HS6ST3: variants seen among roughly 807,000 people sequenced by gnomAD.
The protein encoded by HS6ST3 is heparan-sulfate 6-O-sulfotransferase 3.
In HS6ST3, 12 loss-of-function variants were observed where a neutral mutation model predicts 36.7. The ratio of observed to expected loss-of-function variants is 0.33; its 90% CI spans 0.21 to 0.53. The LOEUF (loss-of-function observed/expected upper bound fraction) is 0.53, where lower values mean the gene tolerates loss of function less well. Among genes scored for constraint, HS6ST3 ranks in the 20% least tolerant of loss-of-function variants. The pLI, the probability that HS6ST3 is intolerant of heterozygous loss-of-function variation, is 0.95. For missense variants in HS6ST3, 584 were observed against 640.9 expected (o/e 0.91, Z 0.96); for synonymous variants, 240 against 257.5 (o/e 0.93, Z 0.65).
intron 1 of HS6ST3, among the ~76,000 whole-genome samples, chr13:96,351,621 G>A (rs1481778799): frequency 6.6e-6 from 1 of 152,084 alleles, no homozygotes; most frequent in Non-Finnish European, 1.5e-5. Context: ...TGGTGACAGT[G>A]TTTAACTACA....
At chr13:96,591,075 C>G (rs1274707936) in intron 1 of HS6ST3, among the ~76,000 whole-genome samples, 1 of 150,862 alleles carries the variant, frequency 6.6e-6, no homozygotes, top group Non-Finnish European at 1.5e-5. Context: ...TTTGCCAGTA[C>G]CATGCCCTTT....
intron 1 of HS6ST3, among the ~76,000 whole-genome samples, chr13:96,688,009 T>C (rs1682218258): frequency 6.7e-6 from 1 of 148,206 alleles, no homozygotes; most frequent in Non-Finnish European, 1.5e-5. Flanking sequence ...TAGGTGGGAA[T>C]TGAACAATGA....
At chr13:96,818,581 T>C (rs768293143) in intron 1 of HS6ST3, among the ~76,000 whole-genome samples, 2 of 152,230 alleles carry the variant, frequency 1.3e-5, no homozygotes, top group Non-Finnish European at 2.9e-5. Flanking sequence ...TGTTTGGGCC[T>C]GGATAAAATA....
At chr13:96,786,154 C>G (rs943578839) in intron 1 of HS6ST3, among the ~76,000 whole-genome samples, 4 of 152,090 alleles carry the variant, frequency 2.6e-5, no homozygotes, top group Non-Finnish European at 5.9e-5. Context: ...TACTCCGTTC[C>G]CTTCCCCTTG....
At chr13:96,428,447 CA>C (rs1320029271) in intron 1 of HS6ST3, among the ~76,000 whole-genome samples, 1 of 152,120 alleles carries the variant, frequency 6.6e-6, no homozygotes, top group East Asian at 1.9e-4. Context: ...AGGGTGTCAG[CA>C]GGGTTGGTTT....
chr13:96,521,612 C>A (rs1435890700), intron 1 of HS6ST3, among the ~76,000 whole-genome samples: 1 of 152,138 alleles, frequency 6.6e-6, no homozygotes, highest in African/African-American at 2.4e-5. Context: ...TTATCCCTTT[C>A]TTCTAGATTT....
intron 1 of HS6ST3, among the ~76,000 whole-genome samples, chr13:96,168,795 C>G (rs1229971642): frequency 6.6e-6 from 1 of 151,992 alleles, no homozygotes; most frequent in Admixed American, 6.6e-5. Context: ...ATGATAGACT[C>G]AGGGTACATG....
chr13:96,177,311 C>T (rs954412489), intron 1 of HS6ST3, among the ~76,000 whole-genome samples: 1 of 152,150 alleles, frequency 6.6e-6, no homozygotes, highest in Non-Finnish European at 1.5e-5. Flanking sequence ...ACCATAAAGA[C>T]ACATGCACAT....
intron 1 of HS6ST3, among the ~76,000 whole-genome samples, chr13:96,274,908 G>T (rs1480042783): frequency 4.8e-5 from 7 of 145,396 alleles, no homozygotes; most frequent in Non-Finnish European, 7.5e-5. Flanking sequence ...AGAATTAGAT[G>T]ACATCAACTG....
chr13:96,106,002 G>A (rs2053839839), intron 1 of HS6ST3, among the ~76,000 whole-genome samples: 1 of 152,182 alleles, frequency 6.6e-6, no homozygotes, highest in Non-Finnish European at 1.5e-5. Flanking sequence ...GCAGTGAAGG[G>A]TTTATATTGA....
At chr13:96,591,958 A>G (rs1011046591) in intron 1 of HS6ST3, among the ~76,000 whole-genome samples, 2 of 152,104 alleles carry the variant, frequency 1.3e-5, no homozygotes, top group African/African-American at 2.4e-5. Context: ...GAAATCATCA[A>G]ATGGTTTTGT....
intron 1 of HS6ST3, among the ~76,000 whole-genome samples, chr13:96,256,815 G>A (rs1190990362): frequency 1.3e-5 from 2 of 152,234 alleles, no homozygotes; most frequent in South Asian, 4.1e-4. Context: ...GTTGTCCATG[G>A]TGAGAATTGC....
At chr13:96,132,803 TTAG>T in intron 1 of HS6ST3, among the ~76,000 whole-genome samples, 1 of 152,334 alleles carries the variant, frequency 6.6e-6, no homozygotes, top group East Asian at 1.9e-4. Context: ...TGTCTTTTTG[TTAG>T]TAGCCATTAT....
At chr13:96,340,831 A>G (rs1004523566) in intron 1 of HS6ST3, among the ~76,000 whole-genome samples, 4 of 152,240 alleles carry the variant, frequency 2.6e-5, no homozygotes, top group Non-Finnish European at 5.9e-5. Flanking sequence ...CCATCCTTAA[A>G]CCAATATTCA....
chr13:96,776,406 G>T (rs902964561), intron 1 of HS6ST3, among the ~76,000 whole-genome samples: 1 of 152,092 alleles, frequency 6.6e-6, no homozygotes, highest in Non-Finnish European at 1.5e-5. Flanking sequence ...CCAGGAGCTG[G>T]TTTTTTGAAA....
intron 1 of HS6ST3, among the ~76,000 whole-genome samples, chr13:96,096,269 T>G (rs2053790410): frequency 6.6e-6 from 1 of 152,174 alleles, no homozygotes. Context: ...GGATAAGAAC[T>G]GATGGGATTT....
In HS6ST3 at chr13:96,198,381, G is replaced by A. The variant is rs146875549; in HGVS notation, c.707+106812G>A. 3.6e-3 allele frequency among the ~76,000 whole-genome samples: 541 copies of A among 152,274 alleles called. 5 individuals are homozygous for A. The highest frequency in any genetic ancestry group is 0.012 in the African/African-American group (517 of 41,544). ...AATAAGCTCCTTGCTACTTAGGCAG[G>A]TTTCTGTAGCTGGCTTGAATTTCTC... On this transcript the variant is annotated intron_variant, in intron 1 of 1. Coordinates refer to ENST00000376705, the MANE Select transcript of HS6ST3 (RefSeq NM_153456.4).
At chr13:96,793,107 C>T (rs1173698947) in intron 1 of HS6ST3, among the ~76,000 whole-genome samples, 3 of 151,992 alleles carry the variant, frequency 2.0e-5, no homozygotes, top group African/African-American at 7.2e-5. Flanking sequence ...GCCAGCATAC[C>T]CTCATAGCCC....
At chr13:96,560,252 C>T (rs191005340) in intron 1 of HS6ST3, among the ~76,000 whole-genome samples, 1 of 152,284 alleles carries the variant, frequency 6.6e-6, no homozygotes, top group Admixed American at 6.5e-5. Flanking sequence ...ACTCAGTCAT[C>T]TATGATAATA....
Sources: allele counts gnomAD v4.1 joint callset (sites outside exome capture counted in the v4.1 genomes callset), GRCh38; gene constraint gnomAD v4.1.1; transcripts MANE v1.5; gene names NCBI Gene and HGNC (gene_info 2026-07-23, HGNC 2026-07-21).